Variants in CAPN8 observed in about 807,000 individuals in gnomAD.
CAPN8 encodes calpain 8, also known as calpain-8.
Under a neutral mutation model 80.9 loss-of-function variants are expected in CAPN8, and 87 were observed. The observed-to-expected ratio is 1.07, with a 90% CI of 0.90 to 1.28. CAPN8 has a LOEUF of 1.28. Ranked by LOEUF, CAPN8 falls within the 50% of genes most tolerant of loss-of-function variation. The pLI, the probability that CAPN8 is intolerant of heterozygous loss-of-function variation, is 0.00. For missense variants in CAPN8, 757 were observed against 702.0 expected, an observed-to-expected ratio of 1.08 and a Z score of -0.89; for synonymous variants, 299 against 273.8, an observed-to-expected ratio of 1.09 and a Z score of -0.91.
intron 2 of CAPN8, among the ~76,000 whole-genome samples, chr1:223,637,857 G>A (rs563322506): frequency 5.4e-4 from 83 of 152,316 alleles, no homozygotes; most frequent in African/African-American, 1.8e-3. Flanking sequence ...CTTGCCTGCT[G>A]AGTGTCTGGC....
intron 2 of CAPN8, among the ~76,000 whole-genome samples, chr1:223,632,335 C>T (rs1175120724): frequency 6.6e-6 from 1 of 151,976 alleles, no homozygotes; most frequent in African/African-American, 2.4e-5. Flanking sequence ...GGGGAACTGC[C>T]AGCAAAAAAA....
At chr1:223,547,871 C>T (rs1047991073) in intron 16 of CAPN8, among the ~76,000 whole-genome samples, 1 of 152,200 alleles carries the variant, frequency 6.6e-6, no homozygotes, top group Non-Finnish European at 1.5e-5. Context: ...AACCAGGGAA[C>T]TATTTGCAGT....
At chr1:223,639,415 C>G (rs1243564308) in intron 2 of CAPN8, among the ~76,000 whole-genome samples, 1 of 152,194 alleles carries the variant, frequency 6.6e-6, no homozygotes, top group Non-Finnish European at 1.5e-5. Context: ...AGGAGAGTGC[C>G]TTCTGTTACA....
At chr1:223,550,362 A>G (rs149545317) in intron 15 of CAPN8, among the ~76,000 whole-genome samples, 2 of 152,254 alleles carry the variant, frequency 1.3e-5, no homozygotes, top group East Asian at 3.9e-4. Flanking sequence ...ATGAGAGCCC[A>G]TCACTCACTG....
chr1:223,554,017 G>A, intron 13 of CAPN8, 117 bp from the exon 14 acceptor site: 1 of 395,284 alleles, frequency 2.5e-6, no homozygotes. Context: ...CTATGTGCCA[G>A]GCTTTGGGCT....
At chr1:223,624,583 A>G (rs1387483027) in intron 6 of CAPN8, among the ~76,000 whole-genome samples, 1 of 151,996 alleles carries the variant, frequency 6.6e-6, no homozygotes, top group African/African-American at 2.4e-5. Flanking sequence ...GCATGATGGC[A>G]CTTGCCTGTA....
intron 5 of CAPN8, 131 bp from the exon 6 acceptor site, chr1:223,626,019 A>G (rs546566363): frequency 3.0e-5 from 20 of 660,004 alleles, no homozygotes; most frequent in South Asian, 2.9e-4. Flanking sequence ...AGGCATGGCT[A>G]TGAACCTCAG....
At chr1:223,544,630 C>G in intron 18 of CAPN8, 142 bp downstream of exon 18, 4 of 1,152,976 alleles carry the variant, frequency 3.5e-6, no homozygotes, top group Non-Finnish European at 3.6e-6. Flanking sequence ...AGGGAAGGTA[C>G]TCAACAAAGC....
chr1:223,611,475 G>GT (rs1315854360), intron 11 of CAPN8, among the ~76,000 whole-genome samples: 6 of 152,208 alleles, frequency 3.9e-5, no homozygotes, highest in Non-Finnish European at 1.5e-5. Context: ...ATAAATATGA[G>GT]TGTGGACCTG....
rs73125699 is a variant in CAPN8 at position 223,643,826 on chromosome 1, G to A, written c.307+10504C>T. Among the ~76,000 whole-genome samples the A allele has an allele frequency of 5.4e-3, 817 of 152,312 alleles. 9 individuals carry two copies. Among genetic ancestry groups the A allele is most frequent in the African/African-American group, 0.018 (743 of 41,558 alleles). On this transcript the variant is annotated intron_variant, in intron 2 of 20. Transcript: ENST00000366872. Reference sequence around the variant, plus strand: ...GCACCATAATTCAGGCCCGGTGGGGGCTTGATGTAGACTGAAGACGGTAAA... The same window carrying A: ...GCACCATAATTCAGGCCCGGTGGGGACTTGATGTAGACTGAAGACGGTAAA...
chr1:223,635,663 T>G lies in CAPN8; in HGVS notation c.308-6883A>C, dbSNP rs563721450. On this transcript the variant is annotated intron_variant, in intron 2 of 20. Transcript: ENST00000366872. ...TTCTTACTGACTGAATTCACCTCAGTGTAATTGTATCAAAGGTTATTTGAA... is the reference window on the plus strand; with the variant it reads ...TTCTTACTGACTGAATTCACCTCAGGGTAATTGTATCAAAGGTTATTTGAA... 5.9e-4 allele frequency among the ~76,000 whole-genome samples: 66 copies of G among 112,266 alleles called. 1 individual carries two copies. The highest frequency in any genetic ancestry group is 4.2e-3 in the Middle Eastern group (1 of 236). 73.7% of individuals were successfully genotyped at this position (112,266 alleles called of 152,430 possible). A position where few individuals can be genotyped will look rare whatever the true frequency, so the allele number is the denominator to read the frequency against.
At chr1:223,648,695 G>A (rs1215461203) in intron 2 of CAPN8, among the ~76,000 whole-genome samples, 1 of 152,126 alleles carries the variant, frequency 6.6e-6, no homozygotes, top group African/African-American at 2.4e-5. Context: ...CATATGAAAA[G>A]GTCCAGTCAT....
intron 16 of CAPN8, 174 bp from the exon 17 acceptor site, chr1:223,545,473 C>A: frequency 9.8e-7 from 1 of 1,025,308 alleles, no homozygotes; most frequent in Non-Finnish European, 1.4e-6. Context: ...ATTAAAAAGT[C>A]AAACGTGCAC....
intron 8 of CAPN8, among the ~76,000 whole-genome samples, chr1:223,619,840 T>G (rs1657329671): frequency 6.6e-6 from 1 of 152,166 alleles, no homozygotes; most frequent in South Asian, 2.1e-4. Context: ...TCAAGGAGTA[T>G]CCTTATTATC....
intron 2 of CAPN8, among the ~76,000 whole-genome samples, chr1:223,632,053 G>A (rs1433324832): frequency 6.6e-6 from 1 of 152,104 alleles, no homozygotes; most frequent in African/African-American, 2.4e-5. Context: ...ATCAAATGAG[G>A]TGGCCCAGCT....
chr1:223,545,700 A>G (rs2102686844), intron 16 of CAPN8, among the ~76,000 whole-genome samples: 1 of 152,294 alleles, frequency 6.6e-6, no homozygotes, highest in South Asian at 2.1e-4. Context: ...AAAAGACATC[A>G]GGAGCCAGGA....
At chr1:223,625,050 A>G (rs1043596383) in intron 6 of CAPN8, among the ~76,000 whole-genome samples, 4 of 152,154 alleles carry the variant, frequency 2.6e-5, no homozygotes, top group Non-Finnish European at 4.4e-5. Context: ...CCGAGATTGC[A>G]TCACTGCACT....
intron 17 of CAPN8, 115 bp downstream of exon 17, chr1:223,545,116 G>A: frequency 9.3e-6 from 14 of 1,506,396 alleles, no homozygotes; most frequent in East Asian, 2.5e-5. Context: ...AATGTGCCCA[G>A]GACTCAATAG....
At position 223,627,030 on chromosome 1, in the gene CAPN8, T is replaced by A. The variant is rs1429482006; in HGVS notation, c.688A>T (p.Lys230Ter). ...PPANLYQIIR[K>*]ALCAGSLLGC... ...AGCAGAGACCCCGCACAGAGGGCCT[T>A]CCGGATGATCTGATATAGATTGGCT... Residue 230 changes from lysine to a stop codon, truncating the protein, a stop_gained, in exon 5 of 21, where the codon AAG (lysine) becomes TAG (stop). Transcript: ENST00000366872. LOFTEE classifies it high-confidence loss of function. 6.4e-7 allele frequency: 1 copy of A among 1,551,922 alleles called. No homozygotes were observed. The highest frequency in any genetic ancestry group is 8.7e-7 in the Non-Finnish European group (1 of 1,147,048).
Sources: allele counts gnomAD v4.1 joint callset (sites outside exome capture counted in the v4.1 genomes callset), GRCh38; gene constraint gnomAD v4.1.1; transcripts MANE v1.5; gene names NCBI Gene and HGNC (gene_info 2026-07-23, HGNC 2026-07-21).